Variants in NELL2 observed in about 807,000 individuals in gnomAD.
NELL2 encodes protein kinase C-binding protein NELL2.
In NELL2, 41 loss-of-function variants were observed where a neutral mutation model predicts 109.6. That is an observed-to-expected ratio of 0.37 (90% CI 0.29 to 0.49). The LOEUF (loss-of-function observed/expected upper bound fraction) is 0.49, where lower values mean the gene tolerates loss of function less well. Among genes scored for constraint, NELL2 ranks in the 20% least tolerant of loss-of-function variants. The pLI, the probability that NELL2 is intolerant of heterozygous loss-of-function variation, is 0.98. For missense variants in NELL2, 900 were observed against 1,008.3 expected (o/e 0.89, Z 1.45); for synonymous variants, 355 against 344.7 (o/e 1.03, Z -0.33).
At chr12:44,669,052 A>T (rs1663412265) in intron 12 of NELL2, among the ~76,000 whole-genome samples, 1 of 152,130 alleles carries the variant, frequency 6.6e-6, no homozygotes, top group African/African-American at 2.4e-5. Flanking sequence ...CCCACCTAGG[A>T]TTCCCATTCC....
rs990745606 is a variant in NELL2, at chr12:44,904,575, A to G, written c.38+9224T>C. ...ATTAGAGTCCCTGAATGACGGTGAAAAAGAAAGGCCTTCCTCTTACCTCCC... is the reference window on the plus strand; with the variant it reads ...ATTAGAGTCCCTGAATGACGGTGAAGAAGAAAGGCCTTCCTCTTACCTCCC... On this transcript the variant is annotated intron_variant, in intron 1 of 20. Coordinates refer to the NELL2 transcript ENST00000333837. Among the ~76,000 whole-genome samples, 3 of 152,122 alleles carry G rather than the reference A, an allele frequency of 2.0e-5. No individual in the cohort carries two copies. In the South Asian group the frequency reaches 6.2e-4, roughly 31 times the overall value.
At chr12:44,825,626 C>T (rs1188257387) in intron 2 of NELL2, among the ~76,000 whole-genome samples, 1 of 150,468 alleles carries the variant, frequency 6.6e-6, no homozygotes, top group African/African-American at 2.4e-5. Flanking sequence ...GATCTCTTGA[C>T]CTCAGGTGAT....
At chr12:44,591,078 T>C (rs1295759652) in intron 15 of NELL2, among the ~76,000 whole-genome samples, 6 of 151,878 alleles carry the variant, frequency 4.0e-5, no homozygotes, top group African/African-American at 1.5e-4. Context: ...TGAGAAGATA[T>C]CATCTTACCA....
intron 15 of NELL2, among the ~76,000 whole-genome samples, chr12:44,596,320 A>C (rs1944961427): frequency 6.6e-6 from 1 of 152,236 alleles, no homozygotes; most frequent in African/African-American, 2.4e-5. Context: ...GGGAGGCCAA[A>C]TATCAGAACA....
At chr12:44,846,754 A>G (rs10161447) in intron 2 of NELL2, among the ~76,000 whole-genome samples, 6 of 134,528 alleles carry the variant, frequency 4.5e-5, no homozygotes, top group Admixed American at 4.3e-4. Flanking sequence ...TTGTTATGCA[A>G]GTGTACATAT....
intron 15 of NELL2, among the ~76,000 whole-genome samples, chr12:44,574,006 C>T (rs1215603949): frequency 6.6e-6 from 1 of 152,040 alleles, no homozygotes; most frequent in Non-Finnish European, 1.5e-5. Flanking sequence ...CCAATAACCT[C>T]CCTAGTTGTT....
At chr12:44,757,253 C>G (rs1277294763) in intron 9 of NELL2, among the ~76,000 whole-genome samples, 2 of 152,118 alleles carry the variant, frequency 1.3e-5, no homozygotes, top group Non-Finnish European at 2.9e-5. Context: ...TGTAGCCTCT[C>G]TGAAATGGAC....
chr12:44,533,255 A>G (rs1942164054), intron 15 of NELL2, among the ~76,000 whole-genome samples: 2 of 152,178 alleles, frequency 1.3e-5, no homozygotes, highest in Admixed American at 1.3e-4. Context: ...TTCCTTACTT[A>G]CCTGGGATGG....
At chr12:44,869,256 C>A (rs1945096687) in intron 2 of NELL2, among the ~76,000 whole-genome samples, 2 of 152,138 alleles carry the variant, frequency 1.3e-5, no homozygotes, top group South Asian at 4.1e-4. Flanking sequence ...CATATCCAAG[C>A]AACTTTAAAA....
intron 9 of NELL2, among the ~76,000 whole-genome samples, chr12:44,730,478 T>C (rs1365419288): frequency 6.6e-6 from 1 of 152,096 alleles, no homozygotes; most frequent in Non-Finnish European, 1.5e-5. Context: ...TCAGTAGCAC[T>C]AGGAAAACTA....
chr12:44,573,171 A>G lies in NELL2; in HGVS notation c.1663+33998T>C, dbSNP rs188358226. Among the ~76,000 whole-genome samples the G allele has an allele frequency of 6.3e-3, 956 of 152,354 alleles. 16 individuals carry two copies. The highest frequency in any genetic ancestry group is 0.022 in the African/African-American group (919 of 41,594). ...ATCAGCTGAGTTCTGCTCTCAGCCCATTAGGCTCTCAAGCCATAGGAAATT... is the reference window on the plus strand; with the variant it reads ...ATCAGCTGAGTTCTGCTCTCAGCCCGTTAGGCTCTCAAGCCATAGGAAATT... On this transcript the variant is annotated intron_variant, in intron 15 of 19. Coordinates refer to ENST00000429094, the MANE Select transcript of NELL2 (RefSeq NM_001145108.2).
chr12:44,810,893 T>C (rs1185742909), intron 3 of NELL2, among the ~76,000 whole-genome samples: 1 of 152,166 alleles, frequency 6.6e-6, no homozygotes, highest in African/African-American at 2.4e-5. Context: ...ATGTATTTGT[T>C]ACAACTGTAA....
chr12:44,868,784 T>C (rs904763316), intron 2 of NELL2, among the ~76,000 whole-genome samples: 3 of 152,108 alleles, frequency 2.0e-5, no homozygotes, highest in African/African-American at 2.4e-5. Context: ...CAAAATTCAA[T>C]TAGATGGCAC....
chr12:44,613,834 G>C (rs1945716780), intron 13 of NELL2, among the ~76,000 whole-genome samples: 1 of 151,966 alleles, frequency 6.6e-6, no homozygotes, highest in Non-Finnish European at 1.5e-5. Context: ...TCCAGTTTTG[G>C]TCAAATGTCA....
intron 13 of NELL2, among the ~76,000 whole-genome samples, chr12:44,631,835 A>G (rs1400338177): frequency 2.0e-5 from 3 of 152,084 alleles, no homozygotes; most frequent in Non-Finnish European, 4.4e-5. Context: ...TCTGTCAGGG[A>G]GCTTACCCTG....
intron 9 of NELL2, among the ~76,000 whole-genome samples, chr12:44,769,418 A>G (rs1239863110): frequency 1.3e-5 from 2 of 152,240 alleles, no homozygotes; most frequent in African/African-American, 2.4e-5. Flanking sequence ...ATTTACCAAC[A>G]TCATTTATCA....
At chr12:44,565,418 A>G (rs572304047) in intron 15 of NELL2, among the ~76,000 whole-genome samples, 9 of 152,318 alleles carry the variant, frequency 5.9e-5, no homozygotes, top group African/African-American at 1.9e-4. Context: ...CGTGCATCTT[A>G]GAATTGATGG....
intron 9 of NELL2, among the ~76,000 whole-genome samples, chr12:44,728,344 T>C (rs375241129): frequency 6.6e-6 from 1 of 152,030 alleles, no homozygotes; most frequent in African/African-American, 2.4e-5. Context: ...AATAACTGAA[T>C]TGAAAAATCC....
chr12:44,884,865 C>A (rs976169605), intron 1 of NELL2, among the ~76,000 whole-genome samples: 1 of 151,986 alleles, frequency 6.6e-6, no homozygotes, highest in African/African-American at 2.4e-5. Flanking sequence ...ATAAATAATT[C>A]ACTGCAAAGC....
Sources: gnomAD v4.1 joint callset for allele counts (sites outside exome capture counted in the v4.1 genomes callset) on GRCh38, gnomAD v4.1.1 for gene constraint, MANE v1.5 for transcripts, NCBI Gene and HGNC (gene_info 2026-07-23, HGNC 2026-07-21) for gene names.